MBNL1: variants seen among roughly 807,000 people sequenced by gnomAD.
MBNL1 encodes the protein muscleblind-like protein 1.
Under a neutral mutation model 42.2 loss-of-function variants are expected in MBNL1, and 8 were observed. The ratio of observed to expected loss-of-function variants is 0.19; its 90% confidence interval spans 0.11 to 0.34. The LOEUF is 0.34. Among genes scored for constraint, MBNL1 ranks in the 10% least tolerant of loss-of-function variants. The pLI is 1.00. For missense variants in MBNL1, 309 were observed against 495.3 expected (o/e 0.62, Z 3.57); for synonymous variants, 169 against 173.9 (o/e 0.97, Z 0.22).
At chr3:152,458,501 T>C (rs2153967859) in intron 8 of MBNL1, 1 of 301,656 alleles carries the variant, frequency 3.3e-6, no homozygotes, top group Admixed American at 4.7e-5. Flanking sequence ...ACACAGCCAG[T>C]AAATGGATCT....
chr3:152,373,334 G>T (rs1487806761), intron 2 of MBNL1, among the ~76,000 whole-genome samples: 1 of 140,028 alleles, frequency 7.1e-6, no homozygotes, highest in Non-Finnish European at 1.5e-5. Context: ...GGTGTCACTG[G>T]GGTATGGAAA....
intron 2 of MBNL1, among the ~76,000 whole-genome samples, chr3:152,315,687 T>G (rs895366344): frequency 2.0e-5 from 3 of 152,112 alleles, no homozygotes; most frequent in Non-Finnish European, 4.4e-5. Flanking sequence ...GGTGCCATGG[T>G]TCTCTAATGA....
rs539044240 is a variant in MBNL1 at position 152,423,354 on chromosome 3, A to G, written c.345+8243A>G. Among the ~76,000 whole-genome samples, 434 of 152,360 alleles carry G rather than the reference A, an allele frequency of 2.8e-3. 1 individual carries two copies. Among genetic ancestry groups the G allele is most frequent in the Non-Finnish European group, 5.0e-3 (342 of 68,030 alleles). On this transcript the variant is annotated intron_variant, in intron 3 of 9. Transcript: ENST00000324210. ...AAAAGAAATAGATAAATTCCTGGAC[A>G]CGTACAGCCTCCCAAGACTCAACCA...
chr3:152,425,479 A>G (rs1273558399), intron 3 of MBNL1, among the ~76,000 whole-genome samples: 1 of 152,004 alleles, frequency 6.6e-6, no homozygotes, highest in Non-Finnish European at 1.5e-5. Context: ...ATGGTGGCAC[A>G]CACGTGTAGT....
chr3:152,379,768 AT>A (rs955650471), intron 2 of MBNL1, among the ~76,000 whole-genome samples: 3 of 151,706 alleles, frequency 2.0e-5, no homozygotes, highest in Non-Finnish European at 4.4e-5. Flanking sequence ...CTTATTTTGC[AT>A]TTTTTTTCCC....
rs1008982365 is a variant in MBNL1 at position 152,303,163 on chromosome 3, A to G, written c.174+2796A>G. On this transcript the variant is annotated intron_variant, in intron 2 of 9. Coordinates refer to ENST00000324210, the MANE Select transcript of MBNL1 (RefSeq NM_021038.5). ...TACTGATGATTTTAAGGTTTAAATA[A>G]TTAGATTTAAATATACCGTATGTAA... 2.6e-5 allele frequency among the ~76,000 whole-genome samples: 4 copies of G among 152,294 alleles called. No individual in the cohort carries two copies. The South Asian group carries it at 6.2e-4, about 24-fold the overall frequency.
At chr3:152,461,305 A>G (rs559914443) in intron 9 of MBNL1, among the ~76,000 whole-genome samples, 3 of 152,366 alleles carry the variant, frequency 2.0e-5, no homozygotes, top group South Asian at 4.1e-4. Context: ...TGTCTATTTC[A>G]TAAGTTTTCT....
chr3:152,295,880 G>T (rs2058347383), intron 1 of MBNL1, among the ~76,000 whole-genome samples: 1 of 152,296 alleles, frequency 6.6e-6, no homozygotes, highest in East Asian at 1.9e-4. Context: ...GATACAAGAG[G>T]TACAGCACTG....
At chr3:152,381,204 G>T (rs2097166377) in intron 2 of MBNL1, among the ~76,000 whole-genome samples, 1 of 152,006 alleles carries the variant, frequency 6.6e-6, no homozygotes, top group Non-Finnish European at 1.5e-5. Context: ...AGACTGGATT[G>T]TAATATGAAC....
At chr3:152,279,339 C>T (rs536260410) in intron 1 of MBNL1, among the ~76,000 whole-genome samples, 1 of 152,210 alleles carries the variant, frequency 6.6e-6, no homozygotes, top group South Asian at 2.1e-4. Context: ...GAACAGAAGC[C>T]AGGTCTTTTC....
In MBNL1 at chr3:152,458,488, G is replaced by A. The variant is rs981202492; in HGVS notation, c.1093-783G>A. On this transcript the variant is annotated intron_variant, in intron 8 of 9. Coordinates refer to ENST00000324210, the MANE Select transcript of MBNL1 (RefSeq NM_021038.5). The stretch of plus-strand genomic sequence containing the variant: ...AGAGTAATGAGTTGCTTTGCTCAGG[G>A]TCACACAGCCAGTAAATGGATCTCT... 7 of 327,250 alleles carry A rather than the reference G, an allele frequency of 2.1e-5. No individual in the cohort carries two copies. In the Admixed American group the frequency reaches 2.3e-4, roughly 11 times the overall value. The allele number at this position is 327,250 out of a possible 1,614,324, so 20.3% of individuals were successfully genotyped here.
chr3:152,384,407 A>G (rs2097321047), intron 2 of MBNL1, among the ~76,000 whole-genome samples: 2 of 152,250 alleles, frequency 1.3e-5, no homozygotes, highest in African/African-American at 2.4e-5. Context: ...AATAAAATGT[A>G]TGCAGTTTGA....
Position 152,447,610 on chromosome 3 carries a change from C to T in MBNL1, c.808-10C>T, listed in dbSNP as rs771999472. ...CTGGTATTTGTTTTTTATACTCATTCACTAAACAGGGAATTCCTCAAGCTG... is the reference window on the plus strand; with the variant it reads ...CTGGTATTTGTTTTTTATACTCATTTACTAAACAGGGAATTCCTCAAGCTG... On this transcript the variant is annotated splice_polypyrimidine_tract_variant and intron_variant, in intron 5 of 9. Transcript: ENST00000324210. 1.2e-5 allele frequency: 20 copies of T among 1,607,732 alleles called. No homozygotes were observed. In the African/African-American group the frequency reaches 1.7e-4, roughly 14 times the overall value.
Position 152,286,946 on chromosome 3 carries a change from G to A in MBNL1, c.-789-12459G>A, listed in dbSNP as rs182785831. Among the ~76,000 whole-genome samples the A allele has an allele frequency of 3.1e-3, 474 of 152,204 alleles. 4 individuals are homozygous for A. The highest frequency in any genetic ancestry group is 0.011 in the African/African-American group (440 of 41,528). On this transcript the variant is annotated intron_variant, in intron 1 of 9. Coordinates refer to ENST00000324210, the MANE Select transcript of MBNL1 (RefSeq NM_021038.5). ...TAATAGTTGTATATGGTGGCCGGGC[G>A]TGGTGGCTCATGCCTGTAATCCCAG...
chr3:152,375,603 A>G (rs893081455), intron 2 of MBNL1, among the ~76,000 whole-genome samples: 4 of 152,168 alleles, frequency 2.6e-5, no homozygotes, highest in Non-Finnish European at 5.9e-5. Context: ...ATGTTTGGTA[A>G]AAATTCAGCA....
chr3:152,406,501 T>C (rs921137393), intron 2 of MBNL1, among the ~76,000 whole-genome samples: 5 of 152,208 alleles, frequency 3.3e-5, no homozygotes, highest in African/African-American at 1.2e-4. Flanking sequence ...TGTGATTTGT[T>C]GCCTTTTTCC....
rs116591590 is a variant in MBNL1, at chr3:152,277,439, A to G, written c.-790+8347A>G. On this transcript the variant is annotated intron_variant, in intron 1 of 9. Transcript: ENST00000324210. ...GATAAAACAAGTTTGCCATGTGCTC[A>G]ATGTGGCTGACATTTATACTTCTCA... Among the ~76,000 whole-genome samples, 514 of 152,298 alleles carry G rather than the reference A, an allele frequency of 3.4e-3. 2 individuals are homozygous for G. The highest frequency in any genetic ancestry group is 0.012 in the African/African-American group (495 of 41,566).
chr3:152,264,757 C>T (rs867992997), upstream of MBNL1: 1 of 152,128 alleles, frequency 6.6e-6, no homozygotes, highest in Non-Finnish European at 1.5e-5. Flanking sequence ...ATTGAAGATA[C>T]AGATTCAACT....
At chr3:152,344,370 T>G (rs1389971449) in intron 2 of MBNL1, among the ~76,000 whole-genome samples, 1 of 152,154 alleles carries the variant, frequency 6.6e-6, no homozygotes, top group Non-Finnish European at 1.5e-5. Flanking sequence ...TAGCAAAGTT[T>G]AGTGGTTGCC....
Sources: gnomAD v4.1 joint callset for allele counts (sites outside exome capture counted in the v4.1 genomes callset) on GRCh38, gnomAD v4.1.1 for gene constraint, MANE v1.5 for transcripts, NCBI Gene and HGNC (gene_info 2026-07-23, HGNC 2026-07-21) for gene names.